Variants in CAMKMT observed in about 807,000 individuals in gnomAD.
The protein encoded by CAMKMT is calmodulin-lysine N-methyltransferase, also known as CaM KMT.
CAMKMT carries 53 observed loss-of-function variants against 48.0 expected under a neutral mutation model. That is an observed-to-expected ratio of 1.10 (90% confidence interval 0.89 to 1.39). The LOEUF is 1.39. CAMKMT is among the 40% of genes most tolerant of loss of function. CAMKMT has a pLI of 0.00. For synonymous variants in CAMKMT, 165 were observed against 152.3 expected (o/e 1.08, Z -0.61); for missense variants, 428 against 402.7 (o/e 1.06, Z -0.54).
chr2:44,395,753 G>A (rs1681775705), intron 3 of CAMKMT, among the ~76,000 whole-genome samples: 1 of 152,068 alleles, frequency 6.6e-6, no homozygotes, highest in African/African-American at 2.4e-5. Context: ...TTTATGGTTA[G>A]TAATATCATC....
intron 3 of CAMKMT, among the ~76,000 whole-genome samples, chr2:44,401,605 G>T (rs558616279): frequency 6.6e-6 from 1 of 152,050 alleles, no homozygotes; most frequent in African/African-American, 2.4e-5. Flanking sequence ...CACCAATGAA[G>T]AATTTACCCT....
intron 3 of CAMKMT, among the ~76,000 whole-genome samples, chr2:44,467,125 A>G (rs1270873581): frequency 2.0e-5 from 3 of 151,482 alleles, no homozygotes; most frequent in Non-Finnish European, 2.9e-5. Context: ...ATGGTGGCAC[A>G]TAGCTGCAGT....
At chr2:44,490,607 T>C (rs1669448610) in intron 3 of CAMKMT, among the ~76,000 whole-genome samples, 1 of 149,960 alleles carries the variant, frequency 6.7e-6, no homozygotes, top group Non-Finnish European at 1.5e-5. Context: ...AATCTCCACA[T>C]ATTTATCTTC....
intron 3 of CAMKMT, among the ~76,000 whole-genome samples, chr2:44,586,370 C>T (rs1669860646): frequency 1.1e-5 from 1 of 93,332 alleles, no homozygotes; most frequent in Non-Finnish European, 2.5e-5. Flanking sequence ...GAAACTATTA[C>T]CACAATCAAA....
chr2:44,538,956 G>GTC lies in CAMKMT; in HGVS notation c.376+148653_376+148654dup, dbSNP rs1161078319. On this transcript the variant is annotated intron_variant, in intron 3 of 10. Coordinates refer to ENST00000378494, the MANE Select transcript of CAMKMT (RefSeq NM_024766.5). The stretch of plus-strand genomic sequence containing the variant: ...TCTTTCTCTCTCTTTCTGTGTGTGT[G>GTC]TCTGTGTGTGTGTGTGTGTGTGTGT... Among the ~76,000 whole-genome samples, 101 of 83,334 alleles carry GTC rather than the reference G, an allele frequency of 1.2e-3. No homozygotes were observed. The Middle Eastern group carries it at 0.027, about 23-fold the overall frequency. 54.7% of individuals were successfully genotyped at this position (83,334 alleles called of 152,430 possible).
chr2:44,404,397 C>G (rs1455096070), intron 3 of CAMKMT, among the ~76,000 whole-genome samples: 1 of 152,010 alleles, frequency 6.6e-6, no homozygotes, highest in Admixed American at 6.6e-5. Context: ...TGTTACTCGT[C>G]TTTTAAAATA....
chr2:44,666,304 T>G (rs1674963743), intron 3 of CAMKMT, among the ~76,000 whole-genome samples: 1 of 152,196 alleles, frequency 6.6e-6, no homozygotes, highest in South Asian at 2.1e-4. Flanking sequence ...CTGTTATAAT[T>G]TGGGGCTTTC....
chr2:44,381,132 C>G (rs1039369753), intron 2 of CAMKMT, among the ~76,000 whole-genome samples: 2 of 152,082 alleles, frequency 1.3e-5, no homozygotes, highest in South Asian at 2.1e-4. Flanking sequence ...TGCACTCCAC[C>G]CTGGGTGACA....
intron 7 of CAMKMT, among the ~76,000 whole-genome samples, chr2:44,736,969 G>C (rs1311751453): frequency 1.3e-5 from 2 of 152,056 alleles, no homozygotes; most frequent in African/African-American, 2.4e-5. Context: ...GTTTTCGATT[G>C]AGTTCAGTTG....
At chr2:44,733,937 G>A (rs1679217653) in intron 7 of CAMKMT, among the ~76,000 whole-genome samples, 1 of 151,972 alleles carries the variant, frequency 6.6e-6, no homozygotes, top group African/African-American at 2.4e-5. Context: ...CATGATATTG[G>A]TGATTTATAT....
chr2:44,599,408 C>T (rs188195459), intron 3 of CAMKMT, among the ~76,000 whole-genome samples: 3 of 152,198 alleles, frequency 2.0e-5, no homozygotes, highest in African/African-American at 7.2e-5. Context: ...CATTTTATAG[C>T]TACTGCACTG....
intron 3 of CAMKMT, among the ~76,000 whole-genome samples, chr2:44,493,464 A>G (rs1254718773): frequency 3.9e-5 from 6 of 152,166 alleles, no homozygotes; most frequent in African/African-American, 1.4e-4. Flanking sequence ...ACCCCAGAGG[A>G]TGTACTGTTG....
intron 3 of CAMKMT, among the ~76,000 whole-genome samples, chr2:44,589,956 A>G (rs1670161574): frequency 6.8e-6 from 1 of 146,326 alleles, no homozygotes; most frequent in Non-Finnish European, 1.5e-5. Flanking sequence ...TTGCTGGTAT[A>G]TAGAAATACA....
intron 2 of CAMKMT, among the ~76,000 whole-genome samples, chr2:44,374,117 C>CAAAAAAAAAAAAAAAAAAAAAAAA (rs59922847): frequency 1.5e-5 from 1 of 66,390 alleles, no homozygotes. Context: ...GACTCTGCCT[C>CAAAAAAAAAAAAAAAAAAAAAAAA]AAAAAAAAAA....
At chr2:44,762,048 T>C (rs1680642820) in intron 9 of CAMKMT, among the ~76,000 whole-genome samples, 1 of 152,004 alleles carries the variant, frequency 6.6e-6, no homozygotes, top group Non-Finnish European at 1.5e-5. Context: ...AAGAATTAGA[T>C]GGAACGTGAT....
At chr2:44,558,841 A>G (rs1006472672) in intron 3 of CAMKMT, among the ~76,000 whole-genome samples, 2 of 152,130 alleles carry the variant, frequency 1.3e-5, no homozygotes, top group Non-Finnish European at 2.9e-5. Context: ...TATGTTCACT[A>G]CCTTGGTGAT....
At chr2:44,696,929 A>G (rs966123858) in intron 3 of CAMKMT, among the ~76,000 whole-genome samples, 2 of 152,178 alleles carry the variant, frequency 1.3e-5, no homozygotes, top group African/African-American at 4.8e-5. Context: ...ACAATAGCAT[A>G]TATTAAAAGA....
At chr2:44,624,396 A>G (rs113781277) in intron 3 of CAMKMT, among the ~76,000 whole-genome samples, 5,662 of 152,078 alleles carry the variant, frequency 0.037, 295 homozygotes, top group African/African-American at 0.12. Context: ...TTACATATGT[A>G]TACATGTGCC....
At chr2:44,577,818 A>G (rs768668869) in intron 3 of CAMKMT, among the ~76,000 whole-genome samples, 25 of 152,154 alleles carry the variant, frequency 1.6e-4, no homozygotes, top group Admixed American at 6.5e-5. Flanking sequence ...AGTGGACCCA[A>G]TTAAATATAT....
Sources: gnomAD v4.1 joint callset for allele counts (sites outside exome capture counted in the v4.1 genomes callset) on GRCh38, gnomAD v4.1.1 for gene constraint, MANE v1.5 for transcripts, NCBI Gene and HGNC (gene_info 2026-07-23, HGNC 2026-07-21) for gene names.